ATRNL1: variants seen among roughly 807,000 people sequenced by gnomAD.
ATRNL1 encodes attractin like 1, also known as attractin-like protein 1.
ATRNL1 carries 95 observed loss-of-function variants against 182.7 expected under a neutral mutation model. The observed-to-expected ratio is 0.52, with a 90% CI of 0.44 to 0.62. The LOEUF (loss-of-function observed/expected upper bound fraction) is 0.62, where lower values mean the gene tolerates loss of function less well. Among genes scored for constraint, ATRNL1 ranks in the 20% least tolerant of loss-of-function variants. The probability of loss-of-function intolerance (pLI) is 0.00; values close to 1 mark genes in which losing one functional copy is unlikely to be tolerated. For missense variants in ATRNL1, 1,471 were observed against 1,679.5 expected (o/e 0.88, Z 2.17); for synonymous variants, 576 against 568.3 (o/e 1.01, Z -0.19).
chr10:115,166,671 C>T (rs1847059772), intron 7 of ATRNL1, among the ~76,000 whole-genome samples: 1 of 151,858 alleles, frequency 6.6e-6, no homozygotes, highest in Non-Finnish European at 1.5e-5. Flanking sequence ...AATATCTTTT[C>T]AAGTGCTTAT....
At chr10:115,154,908 G>A (rs1429983403) in intron 5 of ATRNL1, among the ~76,000 whole-genome samples, 1 of 151,886 alleles carries the variant, frequency 6.6e-6, no homozygotes, top group Non-Finnish European at 1.5e-5. Flanking sequence ...ATTGGCCCAG[G>A]GCCAATTTCT....
intron 21 of ATRNL1, among the ~76,000 whole-genome samples, chr10:115,428,674 T>C (rs1846014175): frequency 6.6e-6 from 1 of 152,088 alleles, no homozygotes; most frequent in African/African-American, 2.4e-5. Context: ...AATATAGTGA[T>C]TTTAGTATTT....
chr10:115,866,928 C>A (rs565859765), intron 28 of ATRNL1, among the ~76,000 whole-genome samples: 64 of 152,276 alleles, frequency 4.2e-4, no homozygotes, highest in African/African-American at 9.6e-4. Flanking sequence ...TGTGTGTCAC[C>A]AGCAGCTTAA....
chr10:115,935,429 C>G (rs1227145520), intron 28 of ATRNL1, among the ~76,000 whole-genome samples: 4 of 151,958 alleles, frequency 2.6e-5, no homozygotes, highest in Admixed American at 2.6e-4. Flanking sequence ...TATTTTTGAC[C>G]ATAGCTGATT....
intron 5 of ATRNL1, among the ~76,000 whole-genome samples, chr10:115,145,224 G>C (rs1306165021): frequency 6.6e-6 from 1 of 152,146 alleles, no homozygotes; most frequent in African/African-American, 2.4e-5. Context: ...AAGGAGATGG[G>C]TTGGGGTAGG....
At chr10:115,666,058 G>A (rs781940641) in intron 26 of ATRNL1, among the ~76,000 whole-genome samples, 14 of 152,092 alleles carry the variant, frequency 9.2e-5, no homozygotes, top group Non-Finnish European at 8.8e-5. Context: ...ATAAAGGTTA[G>A]ATGTTCTAAG....
intron 1 of ATRNL1, among the ~76,000 whole-genome samples, chr10:115,106,975 T>TA (rs1554866144): frequency 6.6e-6 from 1 of 151,976 alleles, no homozygotes; most frequent in Non-Finnish European, 1.5e-5. Context: ...TGGCAGAGGG[T>TA]AAATAGAGGG....
intron 8 of ATRNL1, among the ~76,000 whole-genome samples, chr10:115,192,470 C>A (rs576042030): frequency 6.0e-4 from 91 of 152,048 alleles, no homozygotes; most frequent in Middle Eastern, 6.8e-3. Flanking sequence ...TGTTTTTATG[C>A]CAGTACAATG....
At chr10:115,345,485 G>C (rs542615721) in intron 19 of ATRNL1, among the ~76,000 whole-genome samples, 1 of 152,286 alleles carries the variant, frequency 6.6e-6, no homozygotes, top group African/African-American at 2.4e-5. Context: ...GGTGGGAGAG[G>C]GCTGATGTTG....
At chr10:115,293,000 A>G (rs1052695534) in intron 15 of ATRNL1, among the ~76,000 whole-genome samples, 1 of 152,086 alleles carries the variant, frequency 6.6e-6, no homozygotes. Context: ...CTCTTTTTAT[A>G]TCTAATAATA....
intron 8 of ATRNL1, among the ~76,000 whole-genome samples, chr10:115,176,273 G>T (rs1348592940): frequency 6.6e-6 from 1 of 152,162 alleles, no homozygotes; most frequent in East Asian, 1.9e-4. Flanking sequence ...CACTCTGATG[G>T]TAGTTTCTTT....
rs541253136 is a variant in ATRNL1 at position 115,319,835 on chromosome 10, CTCTT to C, written c.3037+4101_3037+4104del. Among the ~76,000 whole-genome samples the C allele has an allele frequency of 1.3e-4, 19 of 151,954 alleles. No individual in the cohort carries two copies. The East Asian group carries it at 3.5e-3, about 28-fold the overall frequency. On this transcript the variant is annotated intron_variant, in intron 18 of 28. Transcript: ENST00000355044. ...AATACAGCACACTGATTGGTCTTGA[CTCTT>C]TATCCAGTTTGCAAGTCTGTGTCTT...
At chr10:115,807,117 T>A (rs1949937829) in intron 27 of ATRNL1, among the ~76,000 whole-genome samples, 1 of 151,910 alleles carries the variant, frequency 6.6e-6, no homozygotes, top group Non-Finnish European at 1.5e-5. Flanking sequence ...TTTTTTTTTT[T>A]TTTTCTTTGA....
At chr10:115,651,678 A>G (rs1168182341) in intron 26 of ATRNL1, among the ~76,000 whole-genome samples, 2 of 152,188 alleles carry the variant, frequency 1.3e-5, no homozygotes, top group African/African-American at 4.8e-5. Flanking sequence ...CTTACGAGAA[A>G]TTAGAGAGGG....
chr10:115,630,843 C>CAG (rs1321371049), intron 26 of ATRNL1, among the ~76,000 whole-genome samples: 1 of 136,516 alleles, frequency 7.3e-6, no homozygotes, highest in African/African-American at 3.2e-5. Context: ...CACACACACA[C>CAG]ACACACACAC....
intron 20 of ATRNL1, among the ~76,000 whole-genome samples, chr10:115,397,719 A>G (rs1844358049): frequency 6.6e-6 from 1 of 151,990 alleles, no homozygotes; most frequent in African/African-American, 2.4e-5. Flanking sequence ...TGCATCAATA[A>G]AAGCAAAGAA....
chr10:115,944,769 C>T lies in ATRNL1; in HGVS notation c.4130C>T (p.Thr1377Ile), dbSNP rs781831497. Residue 1377 changes from threonine (T) to isoleucine (I), a missense_variant, in exon 29 of 29, where the codon ACT (threonine) becomes ATT (isoleucine). Around this residue, in one of 3 missense-constraint regions of ATRNL1, gnomAD observed 437 missense variants for 506.0 expected, o/e 0.86. Transcript: ENST00000355044. ...AAACACCTTTCAACACGTCAAGGAA[C>T]TTGTGTCTGAGAAATGGAAACCGCT... ...NRKHLSTRQG[T>I]CV 1.9e-6 allele frequency: 3 copies of T among 1,613,060 alleles called. No individual in the cohort carries two copies. The South Asian group carries it at 3.3e-5, about 18-fold the overall frequency.
chr10:115,662,306 A>T (rs1214381112), intron 26 of ATRNL1, among the ~76,000 whole-genome samples: 2 of 152,088 alleles, frequency 1.3e-5, no homozygotes, highest in African/African-American at 4.8e-5. Context: ...AAAAGTCAGG[A>T]AACAACAGGT....
At chr10:115,731,142 C>T (rs1478737028) in intron 27 of ATRNL1, among the ~76,000 whole-genome samples, 3 of 152,118 alleles carry the variant, frequency 2.0e-5, no homozygotes, top group Admixed American at 6.5e-5. Context: ...CACCCAGGAT[C>T]CATACATTGC....
Sources: gnomAD v4.1 joint callset for allele counts (sites outside exome capture counted in the v4.1 genomes callset) on GRCh38, gnomAD v4.1.1 for gene constraint, gnomAD v4.1.1 regional missense constraint, MANE v1.5 for transcripts, NCBI Gene and HGNC (gene_info 2026-07-23, HGNC 2026-07-21) for gene names.